FGD5: variants seen among roughly 807,000 people sequenced by gnomAD.
FGD5 encodes the protein FYVE, RhoGEF and PH domain containing 5, also known as FYVE, RhoGEF and PH domain-containing protein 5.
Under a neutral mutation model 133.4 loss-of-function variants are expected in FGD5, and 28 were observed. That is an observed-to-expected ratio of 0.21 (90% CI 0.16 to 0.29). The LOEUF (loss-of-function observed/expected upper bound fraction) is 0.29. Among genes scored for constraint, FGD5 ranks in the 10% least tolerant of loss-of-function variants. The pLI is 1.00. For missense variants in FGD5, 1,858 were observed against 1,895.2 expected, an observed-to-expected ratio of 0.98 and a Z score of 0.36; for synonymous variants, 810 against 776.5, an observed-to-expected ratio of 1.04 and a Z score of -0.72.
At chr3:14,887,154 G>A (rs904689403) in intron 4 of FGD5, among the ~76,000 whole-genome samples, 3 of 152,246 alleles carry the variant, frequency 2.0e-5, no homozygotes, top group South Asian at 2.1e-4. Flanking sequence ...ATGTCTCTCC[G>A]TCAGTTGTCA....
At chr3:14,897,281 G>T in intron 4 of FGD5, 1 of 544,026 alleles carries the variant, frequency 1.8e-6, no homozygotes, top group Non-Finnish European at 3.2e-6. Context: ...TGTGCCAGGC[G>T]TTGGGTTGGG....
upstream of FGD5, among the ~76,000 whole-genome samples, chr3:14,815,376 C>A (rs1190168309): frequency 6.6e-6 from 1 of 151,768 alleles, no homozygotes; most frequent in Non-Finnish European, 1.5e-5. Flanking sequence ...TACTCCTAAT[C>A]ATTTTGCATA....
intron 13 of FGD5, 31 bp downstream of exon 13, chr3:14,918,864 A>G (rs754725323): frequency 3.1e-6 from 5 of 1,610,700 alleles, no homozygotes; most frequent in African/African-American, 1.3e-5. Context: ...GATGGCGCAC[A>G]AGGCAGAGGT....
At chr3:14,867,826 C>T (rs1214017673) in intron 2 of FGD5, among the ~76,000 whole-genome samples, 2 of 152,282 alleles carry the variant, frequency 1.3e-5, no homozygotes, top group South Asian at 2.1e-4. Flanking sequence ...TCGTGTGGGA[C>T]GTGGGAGCAA....
intron 4 of FGD5, among the ~76,000 whole-genome samples, chr3:14,883,570 G>A (rs890930416): frequency 1.3e-5 from 2 of 152,104 alleles, no homozygotes; most frequent in African/African-American, 4.8e-5. Flanking sequence ...CATCCAAACA[G>A]CAATCCATCC....
chr3:14,880,734 C>A lies in FGD5; in HGVS notation c.2718-8C>A, dbSNP rs1373083550. ...TTAATGCAGCCTCAACCCTCTTTCC[C>A]TCTGCAGATACGTGGAGATGCTCCA... On this transcript the variant is annotated splice_polypyrimidine_tract_variant and splice_region_variant and intron_variant, in intron 3 of 19. Transcript: ENST00000285046. 1 of 1,614,064 alleles carries A rather than the reference C, an allele frequency of 6.2e-7. No individual in the cohort carries two copies. The highest frequency in any genetic ancestry group is 8.5e-7 in the Non-Finnish European group (1 of 1,179,894).
At chr3:14,920,038 G>A (rs2038644210) in intron 13 of FGD5, among the ~76,000 whole-genome samples, 1 of 151,928 alleles carries the variant, frequency 6.6e-6, no homozygotes, top group African/African-American at 2.4e-5. Context: ...GGGTTGCCTG[G>A]GATCCTCATC....
rs767029168 is a variant in FGD5 at position 14,907,697 on chromosome 3, C to G, written c.3322C>G (p.Leu1108Val). The G allele has an allele frequency of 6.2e-7, 1 of 1,613,716 alleles. No individual in the cohort carries two copies. The highest frequency in any genetic ancestry group is 8.5e-7 in the Non-Finnish European group (1 of 1,179,740). The stretch of plus-strand genomic sequence containing the variant: ...CAGCGTCCGGGGCCAAGGGGATCTC[C>G]TCCAGCCAGGAAGGGTGAGTGCCGC... Reference protein sequence around the residue: ...EHSVRGQGDLLQPGREFLKEG... With the variant: ...EHSVRGQGDLVQPGREFLKEG... Residue 1108 changes from leucine (L) to valine (V), a missense_variant, in exon 10 of 20, where the codon CTC (leucine) becomes GTC (valine). Leu to Val is a conservative substitution (Grantham distance 32, BLOSUM62 1). Coordinates refer to ENST00000285046, the MANE Select transcript of FGD5 (RefSeq NM_152536.4).
At chr3:14,846,459 A>T (rs563195623) in intron 1 of FGD5, among the ~76,000 whole-genome samples, 8 of 152,232 alleles carry the variant, frequency 5.3e-5, no homozygotes, top group African/African-American at 1.9e-4. Context: ...CTGCAGCCAA[A>T]CTCTCAGAAC....
chr3:14,932,954 CTG>C (rs968818219), intron 19 of FGD5, among the ~76,000 whole-genome samples, 175 bp from the exon 20 acceptor site: 21 of 152,180 alleles, frequency 1.4e-4, no homozygotes, highest in African/African-American at 4.6e-4. Flanking sequence ...AGCTTTTGCC[CTG>C]TGTTCCAGGC....
chr3:14,819,800 A>T lies in FGD5; in HGVS notation c.729A>T (p.Gly243=). The change falls in exon 1 of 20, where the codon GGA becomes GGT. Residue 243 remains glycine (G), a synonymous_variant. Coordinates refer to ENST00000285046, the MANE Select transcript of FGD5 (RefSeq NM_152536.4). The surrounding 1 kb of genome is among the most constrained non-coding windows in gnomAD (Gnocchi z 4.1). ...CTGACAGGCCCACGGAGGACATGGG[A>T]CAGGATGCTGAGGACACCAGTGAGG... The part of the protein sequence containing the change: ...SGPDRPTEDM[G]QDAEDTSEEP... 6.3e-7 allele frequency: 1 copy of T among 1,581,420 alleles called. No homozygotes were observed. Among genetic ancestry groups the T allele is most frequent in the Non-Finnish European group, 8.6e-7 (1 of 1,163,772 alleles).
intron 13 of FGD5, 85 bp from the exon 14 acceptor site, chr3:14,921,833 C>CT (rs2038685831): frequency 7.6e-7 from 1 of 1,309,620 alleles, no homozygotes; most frequent in South Asian, 1.3e-5. Flanking sequence ...CAAGGGGCAT[C>CT]TGAGTGAGAA....
chr3:14,861,033 TCA>T (rs2037388502), intron 1 of FGD5, among the ~76,000 whole-genome samples: 1 of 152,144 alleles, frequency 6.6e-6, no homozygotes, highest in Non-Finnish European at 1.5e-5. Context: ...GCATATGACC[TCA>T]CAGGTATTAT....
intron 4 of FGD5, among the ~76,000 whole-genome samples, chr3:14,885,017 C>G (rs530415166): frequency 1.4e-4 from 21 of 151,768 alleles, no homozygotes; most frequent in Non-Finnish European, 2.4e-4. Flanking sequence ...CCTCCCTCCT[C>G]ACTATCTCTT....
At chr3:14,812,608 A>G (rs2036310723) in intron 1 of FGD5, among the ~76,000 whole-genome samples, 2 of 152,220 alleles carry the variant, frequency 1.3e-5, no homozygotes, top group Non-Finnish European at 2.9e-5. Flanking sequence ...TGTGATGGTA[A>G]TGATACCAGC....
intron 4 of FGD5, chr3:14,882,364 A>G: frequency 1.0e-6 from 1 of 985,016 alleles, no homozygotes. Context: ...GGTAATCCAT[A>G]ATAAGATCCT....
At chr3:14,870,195 G>T (rs527579010) in intron 2 of FGD5, among the ~76,000 whole-genome samples, 1 of 152,232 alleles carries the variant, frequency 6.6e-6, no homozygotes. Context: ...GAGCCTTCCA[G>T]GCAGAGGAGA....
chr3:14,860,245 C>T (rs1010837296), intron 1 of FGD5, among the ~76,000 whole-genome samples: 2 of 152,168 alleles, frequency 1.3e-5, no homozygotes, highest in Non-Finnish European at 2.9e-5. Context: ...GGACCGTGGC[C>T]CAATGGCCCC....
intron 4 of FGD5, among the ~76,000 whole-genome samples, chr3:14,890,977 C>A (rs1283939821): frequency 2.0e-5 from 3 of 152,158 alleles, no homozygotes; most frequent in Non-Finnish European, 4.4e-5. Flanking sequence ...GACAGCTTGC[C>A]CAGTCGTCCA....
Sources: allele counts gnomAD v4.1 joint callset (sites outside exome capture counted in the v4.1 genomes callset), GRCh38; gene constraint gnomAD v4.1.1; non-coding constraint Gnocchi (gnomAD v3.1); transcripts MANE v1.5; gene names NCBI Gene and HGNC (gene_info 2026-07-23, HGNC 2026-07-21).